Variants in SUFU observed in about 807,000 individuals in gnomAD.
The protein encoded by SUFU is SUFU negative regulator of hedgehog signaling, also known as suppressor of fused homolog.
Under a neutral mutation model 58.9 loss-of-function variants are expected in SUFU, and 7 were observed. The ratio of observed to expected loss-of-function variants is 0.12; its 90% confidence interval spans 0.07 to 0.22. The LOEUF is 0.22. Ranked by LOEUF, SUFU falls within the 10% of genes least tolerant of loss-of-function variation. The probability of loss-of-function intolerance (pLI) is 1.00; values close to 1 mark genes in which losing one functional copy is unlikely to be tolerated. For synonymous variants in SUFU, 232 were observed against 254.8 expected (o/e 0.91, Z 0.85); for missense variants, 451 against 641.3 (o/e 0.70, Z 3.20).
At chr10:102,511,603 A>G (rs1240586353) in intron 2 of SUFU, among the ~76,000 whole-genome samples, 2 of 152,178 alleles carry the variant, frequency 1.3e-5, no homozygotes, top group African/African-American at 2.4e-5. Flanking sequence ...CCTATTTTAT[A>G]GATAAGAAAA....
intron 2 of SUFU, among the ~76,000 whole-genome samples, chr10:102,519,041 T>C (rs2062511492): frequency 6.7e-6 from 1 of 148,172 alleles, no homozygotes; most frequent in Non-Finnish European, 1.5e-5. Context: ...GGCGGGAGGC[T>C]GAGGCAGGAG....
chr10:102,508,840 A>C (rs1246543757), intron 1 of SUFU, among the ~76,000 whole-genome samples: 1 of 152,236 alleles, frequency 6.6e-6, no homozygotes, highest in East Asian at 1.9e-4. Context: ...CAGGCACCAC[A>C]GAAGAGAGAC....
intron 3 of SUFU, 82 bp from the exon 4 acceptor site, chr10:102,592,500 C>T (rs1352077278): frequency 1.3e-6 from 2 of 1,570,592 alleles, no homozygotes; most frequent in South Asian, 1.1e-5. Flanking sequence ...GCCTCCCAGC[C>T]TGGGCTAGTG....
At chr10:102,504,996 T>C (rs1418237825) in intron 1 of SUFU, among the ~76,000 whole-genome samples, 9 of 152,196 alleles carry the variant, frequency 5.9e-5, no homozygotes, top group Non-Finnish European at 1.3e-4. Context: ...TGCACTGTTC[T>C]CTTTCTCCGT....
chr10:102,510,319 C>T (rs2062385440), intron 2 of SUFU, among the ~76,000 whole-genome samples: 1 of 151,922 alleles, frequency 6.6e-6, no homozygotes, highest in Admixed American at 6.6e-5. Flanking sequence ...ACGCCATTCT[C>T]CTGTCTCAGC....
At chr10:102,627,332 C>A in intron 11 of SUFU, 89 bp downstream of exon 11, 1 of 1,196,562 alleles carries the variant, frequency 8.4e-7, no homozygotes, top group Non-Finnish European at 1.2e-6. Flanking sequence ...TGCATGTGTG[C>A]GTGTGTACCT....
intron 3 of SUFU, among the ~76,000 whole-genome samples, chr10:102,571,272 C>T (rs2063157742): frequency 6.6e-6 from 1 of 152,178 alleles, no homozygotes; most frequent in African/African-American, 2.4e-5. Context: ...ACTAAGATGG[C>T]CAGTGACTGA....
At position 102,545,067 on chromosome 10, in the gene SUFU, A is replaced by G. The variant is rs370750423; in HGVS notation, c.318-4903A>G. On this transcript the variant is annotated intron_variant, in intron 2 of 11. Coordinates refer to ENST00000369902, the MANE Select transcript of SUFU (RefSeq NM_016169.4). ...CTTTTTGGCTACTATGAATAATGCT[A>G]CTATGAACATTGATGTATACGTTTT... Among the ~76,000 whole-genome samples the G allele has an allele frequency of 1.6e-4, 24 of 151,790 alleles. No individual in the cohort carries two copies. In the South Asian group the frequency reaches 4.6e-3, roughly 29 times the overall value.
chr10:102,514,189 G>A (rs1043877898), intron 2 of SUFU, among the ~76,000 whole-genome samples: 8 of 152,044 alleles, frequency 5.3e-5, no homozygotes, highest in African/African-American at 1.7e-4. Context: ...TCCTGGCAAC[G>A]GCATTTATTA....
chr10:102,617,564 G>A lies in SUFU; in HGVS notation c.1296+136G>A. 1 of 1,254,324 alleles carries A rather than the reference G, an allele frequency of 8.0e-7. No individual in the cohort carries two copies. Among genetic ancestry groups the A allele is most frequent in the Non-Finnish European group, 1.1e-6 (1 of 870,800 alleles). 77.7% of individuals were successfully genotyped at this position (1,254,324 alleles called of 1,614,324 possible). On this transcript the variant is annotated intron_variant, in intron 10 of 11. Transcript: ENST00000369902. This position sits in a 1 kb window ranked among gnomAD's most constrained non-coding sequence, Gnocchi z 4.4. ...TGAATGCCTCATGGATTCAGGGCCT[G>A]GGGCCTGTGTGTAGGTATGGAGTGT...
In SUFU at chr10:102,631,597, C is replaced by T. The variant is rs933688733; in HGVS notation, c.*1442C>T. On this transcript the variant is annotated 3_prime_UTR_variant, in exon 12 of 12. Coordinates refer to ENST00000369902, the MANE Select transcript of SUFU (RefSeq NM_016169.4). ...TGACAATGCAGGGCTCCTCATTGCT[C>T]CCATCTGCCTCTGCTGCACACACAG... The T allele has an allele frequency of 5.1e-5, 12 of 233,518 alleles. No individual in the cohort carries two copies. The Admixed American group carries it at 5.6e-4, about 11-fold the overall frequency. 14.5% of individuals were successfully genotyped at this position (233,518 alleles called of 1,614,324 possible). A position where few individuals can be genotyped will look rare whatever the true frequency, so the allele number is the denominator to read the frequency against.
chr10:102,614,541 C>T (rs1420180377), intron 8 of SUFU, among the ~76,000 whole-genome samples: 2 of 132,430 alleles, frequency 1.5e-5, no homozygotes, highest in African/African-American at 5.7e-5. Context: ...CTGGGTGACA[C>T]GGCGAGATGC....
chr10:102,518,230 C>T (rs1360097376), intron 2 of SUFU, among the ~76,000 whole-genome samples: 2 of 152,132 alleles, frequency 1.3e-5, no homozygotes, highest in East Asian at 3.8e-4. Flanking sequence ...TTATTTTACA[C>T]ATAAGGAAAC....
At chr10:102,562,846 G>A (rs1247950308) in intron 3 of SUFU, among the ~76,000 whole-genome samples, 10 of 152,280 alleles carry the variant, frequency 6.6e-5, no homozygotes, top group South Asian at 2.1e-4. Flanking sequence ...AGCTGAGATC[G>A]TGCCATTGCA....
upstream of SUFU, chr10:102,503,968 T>A (rs910498883): frequency 6.3e-5 from 53 of 836,556 alleles, 1 homozygote; most frequent in South Asian, 1.2e-3. Flanking sequence ...AGGCACCCTC[T>A]GGCAGACTCG....
At chr10:102,593,528 T>C in intron 4 of SUFU, 108 bp from the exon 5 acceptor site, 2 of 1,084,818 alleles carry the variant, frequency 1.8e-6, no homozygotes, top group Non-Finnish European at 1.4e-6. Flanking sequence ...GCACAGATCC[T>C]GCCTGTGGTC....
In SUFU at chr10:102,631,419, T is replaced by G. The variant is rs1023692847; in HGVS notation, c.*1264T>G. On this transcript the variant is annotated 3_prime_UTR_variant, in exon 12 of 12. Coordinates refer to ENST00000369902, the MANE Select transcript of SUFU (RefSeq NM_016169.4). ...TTTGCCTTCCAGAAGCCAGCCTATC[T>G]CTAGCCCATGGTTTTGGAGTTCCTC... The G allele has an allele frequency of 4.3e-6, 1 of 233,460 alleles. No individual in the cohort carries two copies. The allele number at this position is 233,460 out of a possible 1,614,324, so 14.5% of individuals were successfully genotyped here.
At chr10:102,626,227 A>C (rs766031769) in intron 10 of SUFU, among the ~76,000 whole-genome samples, 14 of 151,904 alleles carry the variant, frequency 9.2e-5, no homozygotes, top group Non-Finnish European at 2.1e-4. Context: ...TGGGGTGCAG[A>C]CCTGGGATCA....
At chr10:102,547,248 A>G (rs1308252620) in intron 2 of SUFU, among the ~76,000 whole-genome samples, 1 of 152,158 alleles carries the variant, frequency 6.6e-6, no homozygotes, top group Non-Finnish European at 1.5e-5. Flanking sequence ...AACTCTAGTC[A>G]ATCTTGCATT....
Sources: gnomAD v4.1 joint callset for allele counts (sites outside exome capture counted in the v4.1 genomes callset) on GRCh38, gnomAD v4.1.1 for gene constraint, Gnocchi (gnomAD v3.1) non-coding constraint, MANE v1.5 for transcripts, NCBI Gene and HGNC (gene_info 2026-07-23, HGNC 2026-07-21) for gene names.